Variants in ARHGAP42 observed in about 807,000 individuals in gnomAD.
ARHGAP42 encodes rho GTPase-activating protein 42.
In ARHGAP42, 63 loss-of-function variants were observed where a neutral mutation model predicts 125.0. The ratio of observed to expected loss-of-function variants is 0.50; its 90% CI spans 0.41 to 0.62. The LOEUF is 0.62. ARHGAP42 is among the 20% of genes least tolerant of loss of function. The pLI is 0.00. For missense variants in ARHGAP42, 766 were observed against 1,024.2 expected (o/e 0.75, Z 3.44); for synonymous variants, 339 against 351.0 (o/e 0.97, Z 0.38).
At chr11:100,744,309 G>A (rs1054655316) in intron 1 of ARHGAP42, among the ~76,000 whole-genome samples, 4 of 152,106 alleles carry the variant, frequency 2.6e-5, no homozygotes, top group Non-Finnish European at 5.9e-5. Context: ...ATTTCTTCAT[G>A]TTGGTTCTTA....
At chr11:100,703,829 A>G (rs1317175180) in intron 1 of ARHGAP42, among the ~76,000 whole-genome samples, 2 of 152,206 alleles carry the variant, frequency 1.3e-5, no homozygotes, top group Non-Finnish European at 2.9e-5. Context: ...TAATTCAGCA[A>G]TTTTACAAAA....
intron 1 of ARHGAP42, among the ~76,000 whole-genome samples, chr11:100,745,280 C>G (rs1022383255): frequency 1.3e-5 from 2 of 152,156 alleles, no homozygotes; most frequent in African/African-American, 4.8e-5. Context: ...TCTTGCATTT[C>G]CTTACAGCTC....
intron 17 of ARHGAP42, 121 bp downstream of exon 17, chr11:100,965,897 G>C (rs2135306517): frequency 1.1e-6 from 1 of 905,038 alleles, no homozygotes; most frequent in East Asian, 2.7e-5. Context: ...CATTGAATTT[G>C]CTTAAAAAAT....
In ARHGAP42 at chr11:100,875,850, AC is replaced by A. The variant is rs924013570; in HGVS notation, c.384+16226del. 5.9e-5 allele frequency among the ~76,000 whole-genome samples: 9 copies of A among 152,194 alleles called. No individual in the cohort carries two copies. The South Asian group carries it at 1.9e-3, about 32-fold the overall frequency. ...GAGTAACATTTTTTGACAAGCGGAA[AC>A]TGTAGAATTCAGATTTCAGTGTCCA... On this transcript the variant is annotated intron_variant, in intron 4 of 23. Coordinates refer to ENST00000298815, the MANE Select transcript of ARHGAP42 (RefSeq NM_152432.4).
chr11:100,756,383 G>GC (rs1862578091), intron 1 of ARHGAP42, among the ~76,000 whole-genome samples: 1 of 152,060 alleles, frequency 6.6e-6, no homozygotes, highest in African/African-American at 2.4e-5. Flanking sequence ...GGGCAACAGA[G>GC]CAAGACCCTG....
chr11:100,779,485 T>TACACACACACACAC (rs1288145501), intron 2 of ARHGAP42, among the ~76,000 whole-genome samples: 14 of 81,442 alleles, frequency 1.7e-4, no homozygotes, highest in Admixed American at 5.6e-4. Context: ...TATATATATA[T>TACACACACACACAC]ACACACACAC....
intron 3 of ARHGAP42, among the ~76,000 whole-genome samples, chr11:100,817,198 G>T (rs886203525): frequency 1.3e-5 from 2 of 152,168 alleles, no homozygotes; most frequent in Non-Finnish European, 2.9e-5. Context: ...ATATTTAGCG[G>T]CATCCCTGTA....
At chr11:100,835,088 G>A (rs1460376261) in intron 3 of ARHGAP42, among the ~76,000 whole-genome samples, 1 of 151,854 alleles carries the variant, frequency 6.6e-6, no homozygotes, top group Non-Finnish European at 1.5e-5. Flanking sequence ...ATAGTGTCGA[G>A]GTTCATCTTT....
chr11:100,814,886 A>G (rs180803175), intron 3 of ARHGAP42, among the ~76,000 whole-genome samples: 83 of 152,326 alleles, frequency 5.4e-4, no homozygotes, highest in African/African-American at 1.9e-3. Flanking sequence ...ATCACTTAGT[A>G]TGTACAGATA....
At chr11:100,880,817 T>C (rs1299933989) in intron 4 of ARHGAP42, among the ~76,000 whole-genome samples, 1 of 152,216 alleles carries the variant, frequency 6.6e-6, no homozygotes, top group Non-Finnish European at 1.5e-5. Context: ...TATCACACTG[T>C]GGTTTTGATT....
chr11:100,789,254 C>G (rs1333118262), intron 2 of ARHGAP42, among the ~76,000 whole-genome samples: 1 of 152,152 alleles, frequency 6.6e-6, no homozygotes, highest in African/African-American at 2.4e-5. Context: ...TTCAATCTGG[C>G]TTTTATAGAC....
At chr11:100,977,786 A>G (rs761223189) in intron 21 of ARHGAP42, among the ~76,000 whole-genome samples, 1 of 152,164 alleles carries the variant, frequency 6.6e-6, no homozygotes, top group Non-Finnish European at 1.5e-5. Flanking sequence ...TACCGTTTCC[A>G]ACCTAGGGTT....
At position 100,977,363 on chromosome 11, in the gene ARHGAP42, C is replaced by G. The variant is rs73579233; in HGVS notation, c.2393+392C>G. 6.0e-4 allele frequency among the ~76,000 whole-genome samples: 91 copies of G among 152,338 alleles called. 2 individuals carry two copies. Among genetic ancestry groups the G allele is most frequent in the African/African-American group, 2.1e-3 (87 of 41,580 alleles). ...ATAAGCCAGGTCCCTGCTCTCCTCA[C>G]TGTTTTAAAGCAGCTTCTTTCTCAC... On this transcript the variant is annotated intron_variant, in intron 21 of 23. Transcript: ENST00000298815.
intron 10 of ARHGAP42, among the ~76,000 whole-genome samples, chr11:100,946,697 T>C (rs1868029821): frequency 6.6e-6 from 1 of 152,012 alleles, no homozygotes; most frequent in Admixed American, 6.6e-5. Flanking sequence ...ACATGGTTAA[T>C]GGCACCCCAA....
chr11:100,901,590 C>T (rs970565146), intron 4 of ARHGAP42, among the ~76,000 whole-genome samples: 1 of 152,206 alleles, frequency 6.6e-6, no homozygotes, highest in Non-Finnish European at 1.5e-5. Flanking sequence ...TTGCCGGCCA[C>T]TTTGTTTACC....
chr11:100,707,520 A>G (rs1258857208), intron 1 of ARHGAP42, among the ~76,000 whole-genome samples: 15 of 152,226 alleles, frequency 9.9e-5, no homozygotes. Flanking sequence ...ATGGATAACT[A>G]TTTTAAACTC....
chr11:100,820,804 T>G (rs1369163919), intron 3 of ARHGAP42, among the ~76,000 whole-genome samples: 3 of 152,156 alleles, frequency 2.0e-5, no homozygotes, highest in Non-Finnish European at 2.9e-5. Context: ...CTTTCAGTCT[T>G]TAAATATGAA....
At chr11:100,842,662 G>A (rs541206984) in intron 3 of ARHGAP42, among the ~76,000 whole-genome samples, 2 of 152,186 alleles carry the variant, frequency 1.3e-5, no homozygotes, top group South Asian at 2.1e-4. Flanking sequence ...AGGTTCCCTG[G>A]AAACCCTTCA....
chr11:100,764,061 T>A (rs1175729607), intron 1 of ARHGAP42, among the ~76,000 whole-genome samples: 1 of 148,820 alleles, frequency 6.7e-6, no homozygotes, highest in East Asian at 2.0e-4. Context: ...CTCACTCTGT[T>A]ACCCAGGCTA....
Sources: gnomAD v4.1 joint callset for allele counts (sites outside exome capture counted in the v4.1 genomes callset) on GRCh38, gnomAD v4.1.1 for gene constraint, MANE v1.5 for transcripts, NCBI Gene and HGNC (gene_info 2026-07-23, HGNC 2026-07-21) for gene names.